Variants in DLG1 observed in about 807,000 individuals in gnomAD.
DLG1 encodes the protein discs large MAGUK scaffold protein 1.
DLG1 carries 42 observed loss-of-function variants against 123.4 expected under a neutral mutation model. The ratio of observed to expected loss-of-function variants is 0.34; its 90% confidence interval spans 0.27 to 0.44. The LOEUF is 0.44. Among genes scored for constraint, DLG1 ranks in the 20% least tolerant of loss-of-function variants. The pLI is 1.00. For synonymous variants in DLG1, 317 were observed against 356.2 expected (o/e 0.89, Z 1.24); for missense variants, 942 against 1,082.6 (o/e 0.87, Z 1.82).
At chr3:197,214,875 G>A (rs1380409049) in intron 4 of DLG1, among the ~76,000 whole-genome samples, 1 of 152,082 alleles carries the variant, frequency 6.6e-6, no homozygotes, top group African/African-American at 2.4e-5. Context: ...TCCCACTCAA[G>A]AAGAAATGCA....
At chr3:197,126,607 T>TA (rs1779267957) in intron 11 of DLG1, among the ~76,000 whole-genome samples, 1 of 152,158 alleles carries the variant, frequency 6.6e-6, no homozygotes, top group African/African-American at 2.4e-5. Flanking sequence ...GCTCATTATT[T>TA]AAAAAATACA....
chr3:197,133,289 G>A (rs1358622849), intron 10 of DLG1, among the ~76,000 whole-genome samples: 4 of 152,006 alleles, frequency 2.6e-5, no homozygotes, highest in Admixed American at 6.6e-5. Context: ...CCCTAACCAC[G>A]CAAAGAGACC....
chr3:197,193,698 C>T (rs998258010), intron 5 of DLG1, among the ~76,000 whole-genome samples: 2 of 151,828 alleles, frequency 1.3e-5, no homozygotes, highest in Admixed American at 6.6e-5. Context: ...GATTAGCAAT[C>T]GAAATATATG....
chr3:197,268,184 T>G (rs1762484001), intron 4 of DLG1, among the ~76,000 whole-genome samples: 1 of 152,164 alleles, frequency 6.6e-6, no homozygotes, highest in Admixed American at 6.6e-5. Flanking sequence ...GATACAGATA[T>G]AGAGCAATCA....
At chr3:197,277,959 G>A (rs971993607) in intron 4 of DLG1, among the ~76,000 whole-genome samples, 1 of 151,700 alleles carries the variant, frequency 6.6e-6, no homozygotes, top group Non-Finnish European at 1.5e-5. Flanking sequence ...AGGCAACATA[G>A]TGAGACCCAG....
chr3:197,102,040 A>C (rs1763763007), intron 14 of DLG1, among the ~76,000 whole-genome samples: 1 of 152,218 alleles, frequency 6.6e-6, no homozygotes, highest in African/African-American at 2.4e-5. Context: ...TAGAGGCCTG[A>C]GCCACCACGT....
chr3:197,213,872 T>C (rs1732604258), intron 4 of DLG1, among the ~76,000 whole-genome samples: 3 of 152,164 alleles, frequency 2.0e-5, no homozygotes, highest in South Asian at 4.1e-4. Flanking sequence ...TACTAGTAAT[T>C]ATAATCTGAA....
intron 10 of DLG1, 188 bp downstream of exon 10, chr3:197,136,354 G>T (rs987727221): frequency 1.9e-6 from 1 of 533,648 alleles, no homozygotes; most frequent in Non-Finnish European, 3.3e-6. Flanking sequence ...GGAGGAGCTA[G>T]CAGAGAAAAG....
chr3:197,072,898 T>C (rs1744944859), intron 18 of DLG1, among the ~76,000 whole-genome samples: 1 of 152,128 alleles, frequency 6.6e-6, no homozygotes, highest in African/African-American at 2.4e-5. Flanking sequence ...GGTTTTGCCA[T>C]GTTGGCCAGG....
intron 5 of DLG1, among the ~76,000 whole-genome samples, chr3:197,166,188 A>G (rs1252955382): frequency 3.9e-5 from 6 of 152,180 alleles, no homozygotes; most frequent in Non-Finnish European, 5.9e-5. Flanking sequence ...TTGTGCTGTC[A>G]GTGGACTAAA....
At position 197,296,494 on chromosome 3, in the gene DLG1, G is replaced by A. The variant is rs544387710; in HGVS notation, c.20-17C>T. ...TCTGGGTATCTGAGAAGAAAAAGCA[G>A]AGCCTGATTAAAACTCTCTATTTAC... On this transcript the variant is annotated splice_polypyrimidine_tract_variant and intron_variant, in intron 2 of 24. Transcript: ENST00000667157. The A allele has an allele frequency of 1.2e-6, 2 of 1,611,868 alleles. No individual in the cohort carries two copies. Among genetic ancestry groups the A allele is most frequent in the African/African-American group, 1.3e-5 (1 of 74,960 alleles).
intron 4 of DLG1, among the ~76,000 whole-genome samples, chr3:197,213,712 GAAGTGAATAAAGC>G (rs1227562998): frequency 2.0e-5 from 3 of 152,190 alleles, no homozygotes; most frequent in Non-Finnish European, 4.4e-5. Flanking sequence ...AAATGCTACT[GAAGTGAATAAAGC>G]AACACTACTT....
chr3:197,110,188 G>C (rs1329176640), intron 13 of DLG1, among the ~76,000 whole-genome samples: 2 of 151,594 alleles, frequency 1.3e-5, no homozygotes, highest in African/African-American at 4.9e-5. Context: ...TTCTTTCTTT[G>C]TTATTGTTCA....
At chr3:197,085,483 C>CTCCA (rs1753777089) in intron 16 of DLG1, 97 bp downstream of exon 16, 1 of 1,261,320 alleles carries the variant, frequency 7.9e-7, no homozygotes, top group South Asian at 1.2e-5. Flanking sequence ...GAATAATGCA[C>CTCCA]TCCAGGTCCA....
rs182641160 is a variant in DLG1 at position 197,184,764 on chromosome 3, T to C, written c.483+9661A>G. Among the ~76,000 whole-genome samples, 340 of 152,366 alleles carry C rather than the reference T, an allele frequency of 2.2e-3. 3 individuals are homozygous for C. The highest frequency in any genetic ancestry group is 7.7e-3 in the African/African-American group (320 of 41,592). ...TAACGCTGGTAAATTTTTCGTTTTATAATCAGTGAAATGTGTTTTATCCAA... is the reference window on the plus strand; with the variant it reads ...TAACGCTGGTAAATTTTTCGTTTTACAATCAGTGAAATGTGTTTTATCCAA... On this transcript the variant is annotated intron_variant, in intron 5 of 24. Coordinates refer to ENST00000667157, the MANE Select transcript of DLG1 (RefSeq NM_001366207.1).
At chr3:197,050,424 A>C (rs1726718887) in intron 24 of DLG1, among the ~76,000 whole-genome samples, 1 of 150,344 alleles carries the variant, frequency 6.7e-6, no homozygotes, top group Non-Finnish European at 1.5e-5. Context: ...ACAACAACAA[A>C]TATATATATA....
chr3:197,215,578 ATAACGGTCAGT>A (rs1369355626), intron 4 of DLG1, among the ~76,000 whole-genome samples: 1 of 152,152 alleles, frequency 6.6e-6, no homozygotes, highest in Non-Finnish European at 1.5e-5. Flanking sequence ...AGAAGATAAC[ATAACGGTCAGT>A]TAACAGAGTT....
intron 2 of DLG1, 177 bp downstream of exon 2, chr3:197,297,005 TAACA>T (rs1777752218): frequency 1.5e-6 from 1 of 686,864 alleles, no homozygotes. Context: ...TAAGAAAGTT[TAACA>T]AACATTTTCG....
intron 20 of DLG1, 59 bp from the exon 21 acceptor site, chr3:197,065,868 T>C: frequency 8.7e-7 from 1 of 1,152,772 alleles, no homozygotes; most frequent in Non-Finnish European, 1.3e-6. Context: ...CAATGTATTT[T>C]ATTTCACCAG....
Sources: allele counts gnomAD v4.1 joint callset (sites outside exome capture counted in the v4.1 genomes callset), GRCh38; gene constraint gnomAD v4.1.1; transcripts MANE v1.5; gene names NCBI Gene and HGNC (gene_info 2026-07-23, HGNC 2026-07-21).